KANK1: variants seen among roughly 807,000 people sequenced by gnomAD.
KANK1 encodes KN motif and ankyrin repeat domains 1.
In KANK1, 109 loss-of-function variants were observed where a neutral mutation model predicts 106.2. The ratio of observed to expected loss-of-function variants is 1.03; its 90% CI spans 0.88 to 1.20. The LOEUF (loss-of-function observed/expected upper bound fraction) is 1.20. KANK1 is among the 50% of genes most tolerant of loss of function. The pLI is 0.00. For missense variants in KANK1, 2,399 were observed against 1,710.7 expected, an observed-to-expected ratio of 1.40 and a Z score of -7.10; for synonymous variants, 873 against 652.2, an observed-to-expected ratio of 1.34 and a Z score of -5.16.
At chr9:668,999 C>G (rs1238900135) in intron 1 of KANK1, among the ~76,000 whole-genome samples, 1 of 152,022 alleles carries the variant, frequency 6.6e-6, no homozygotes, top group African/African-American at 2.4e-5. Flanking sequence ...TGCGACGGAC[C>G]AGTACTGGTC....
At position 565,715 on chromosome 9, in the gene KANK1, C is replaced by G. The variant is rs545952834; in HGVS notation, c.-84+60961C>G. On this transcript the variant is annotated intron_variant, in intron 1 of 11. Coordinates refer to ENST00000382297, the MANE Select transcript of KANK1 (RefSeq NM_015158.5). ...GCAGGTCCAGGTGGAGTCAGCCAGT[C>G]GTCAAAAATGCAGCAGTCTGAAAAG... 7.2e-5 allele frequency among the ~76,000 whole-genome samples: 11 copies of G among 152,030 alleles called. No homozygotes were observed. In the South Asian group the frequency reaches 2.1e-3, roughly 29 times the overall value.
At chr9:511,761 C>G (rs1236556773) in intron 1 of KANK1, among the ~76,000 whole-genome samples, 1 of 152,172 alleles carries the variant, frequency 6.6e-6, no homozygotes, top group East Asian at 1.9e-4. Context: ...CTTGTCTGGT[C>G]CCAACTCAGC....
intron 11 of KANK1, 149 bp downstream of exon 11, chr9:744,738 C>T (rs750651862): frequency 2.6e-6 from 4 of 1,529,048 alleles, no homozygotes; most frequent in Non-Finnish European, 3.5e-6. Context: ...ATCCTTTCCG[C>T]CTCCACCCCG....
At chr9:532,363 A>AATT (rs1293690602) in intron 1 of KANK1, among the ~76,000 whole-genome samples, 4 of 78,324 alleles carry the variant, frequency 5.1e-5, no homozygotes, top group East Asian at 8.9e-4. Flanking sequence ...TGCCTCAAGC[A>AATT]CTTTTTTTTT....
intron 2 of KANK1, among the ~76,000 whole-genome samples, chr9:710,481 G>C (rs1825648675): frequency 6.6e-6 from 1 of 151,936 alleles, no homozygotes; most frequent in African/African-American, 2.4e-5. Context: ...AGCCAGGCGT[G>C]GTGGTGCACC....
At chr9:575,306 A>G (rs1196125927) in intron 1 of KANK1, among the ~76,000 whole-genome samples, 1 of 152,214 alleles carries the variant, frequency 6.6e-6, no homozygotes, top group African/African-American at 2.4e-5. Flanking sequence ...TATTTGCCTG[A>G]GGTCAGTCAC....
At chr9:668,675 A>G (rs576128770) in intron 1 of KANK1, among the ~76,000 whole-genome samples, 3 of 152,216 alleles carry the variant, frequency 2.0e-5, no homozygotes, top group African/African-American at 7.2e-5. Flanking sequence ...GGCTTATAGA[A>G]AACATCTTAT....
At chr9:580,006 A>G (rs1419285691) in intron 1 of KANK1, among the ~76,000 whole-genome samples, 4 of 152,164 alleles carry the variant, frequency 2.6e-5, no homozygotes, top group Non-Finnish European at 5.9e-5. Flanking sequence ...ACAGACTTCA[A>G]GAATGAAGCC....
At chr9:553,401 A>G (rs2061394628) in intron 1 of KANK1, among the ~76,000 whole-genome samples, 1 of 152,130 alleles carries the variant, frequency 6.6e-6, no homozygotes, top group Non-Finnish European at 1.5e-5. Context: ...GTATACTGTG[A>G]TTTTTATTAA....
At position 738,504 on chromosome 9, in the gene KANK1, G is replaced by C. The variant is rs775551364; in HGVS notation, c.3553G>C (p.Asp1185His). 6.2e-7 allele frequency: 1 copy of C among 1,611,636 alleles called. No homozygotes were observed. Among genetic ancestry groups the C allele is most frequent in the Non-Finnish European group, 8.5e-7 (1 of 1,177,854 alleles). ...FEIVKLLLDA[D>H]VCNVDHQNKA... Reference sequence around the variant, plus strand: ...GATTGTGAAGCTGCTGTTAGATGCCGGTATGTTGGCTGCCCTTCCACCCTC... The same window carrying C: ...GATTGTGAAGCTGCTGTTAGATGCCCGTATGTTGGCTGCCCTTCCACCCTC... Residue 1185 changes from aspartate to histidine, a missense_variant and splice_region_variant, in exon 8 of 12, where the codon GAT becomes CAT. Coordinates refer to ENST00000382297, the MANE Select transcript of KANK1 (RefSeq NM_015158.5).
intron 3 of KANK1, among the ~76,000 whole-genome samples, chr9:726,274 G>T (rs1439143679): frequency 6.6e-6 from 1 of 152,132 alleles, no homozygotes; most frequent in East Asian, 1.9e-4. Flanking sequence ...GTGTTGTGGG[G>T]CAGGCCGCTG....
At chr9:529,248 CACACACATAT>C (rs932249423) in intron 1 of KANK1, among the ~76,000 whole-genome samples, 5 of 151,096 alleles carry the variant, frequency 3.3e-5, no homozygotes, top group African/African-American at 1.2e-4. Flanking sequence ...CACACACACA[CACACACATAT>C]ACACACACAC....
At chr9:473,368 AGGG>A (rs1437944677) in intron 3 of KANK1, 1 of 152,248 alleles carries the variant, frequency 6.6e-6, no homozygotes, top group African/African-American at 2.4e-5. Context: ...ACTATTGGAT[AGGG>A]GTCTGATTCA....
At chr9:486,876 A>G (rs1272664125) in intron 3 of KANK1, among the ~76,000 whole-genome samples, 1 of 152,210 alleles carries the variant, frequency 6.6e-6, no homozygotes, top group African/African-American at 2.4e-5. Flanking sequence ...ACACAGTAAA[A>G]GTAAAGTTTA....
intron 1 of KANK1, among the ~76,000 whole-genome samples, chr9:562,442 T>C (rs1207922150): frequency 6.6e-6 from 1 of 152,214 alleles, no homozygotes; most frequent in Non-Finnish European, 1.5e-5. Flanking sequence ...CTCTAGATCA[T>C]GTTCCCAGTA....
intron 3 of KANK1, among the ~76,000 whole-genome samples, chr9:487,448 G>A (rs2058311850): frequency 1.3e-5 from 2 of 152,210 alleles, no homozygotes; most frequent in Non-Finnish European, 2.9e-5. Flanking sequence ...TAGGTTAGAT[G>A]TAAGTGCATT....
chr9:735,646 C>G (rs934093258), intron 7 of KANK1: 13 of 307,802 alleles, frequency 4.2e-5, no homozygotes, highest in Middle Eastern at 4.1e-4. Context: ...TGCATATAAA[C>G]TATGCATCTA....
At chr9:624,237 C>T (rs566399627) in intron 1 of KANK1, among the ~76,000 whole-genome samples, 11 of 152,114 alleles carry the variant, frequency 7.2e-5, no homozygotes, top group Admixed American at 1.3e-4. Flanking sequence ...ATGGGAGAAA[C>T]GGTGAGATGC....
rs896937311 is a variant in KANK1, at chr9:592,169, G to A, written c.-83-84721G>A. ...GAGGTTTTGCAAAAGCTTCAAAAAAGGGTTTGGCTGAAGGCAGCCAAATTC... is the reference window on the plus strand; with the variant it reads ...GAGGTTTTGCAAAAGCTTCAAAAAAAGGTTTGGCTGAAGGCAGCCAAATTC... On this transcript the variant is annotated intron_variant, in intron 1 of 11. Transcript: ENST00000382297. Among the ~76,000 whole-genome samples the A allele has an allele frequency of 2.6e-5, 4 of 151,746 alleles. 1 individual carries two copies. The highest frequency in any genetic ancestry group is 9.7e-5 in the African/African-American group (4 of 41,046).
Sources: gnomAD v4.1 joint callset for allele counts (sites outside exome capture counted in the v4.1 genomes callset) on GRCh38, gnomAD v4.1.1 for gene constraint, MANE v1.5 for transcripts, NCBI Gene and HGNC (gene_info 2026-07-23, HGNC 2026-07-21) for gene names.